Variants in THSD7B observed in about 807,000 individuals in gnomAD.
THSD7B encodes the protein thrombospondin type-1 domain-containing protein 7B.
Under a neutral mutation model 213.6 loss-of-function variants are expected in THSD7B, and 138 were observed. That is an observed-to-expected ratio of 0.65 (90% CI 0.56 to 0.74). The LOEUF (loss-of-function observed/expected upper bound fraction) is 0.74, where lower values mean the gene tolerates loss of function less well. Ranked by LOEUF, THSD7B falls within the 30% of genes least tolerant of loss-of-function variation. The pLI is 0.00. For missense variants in THSD7B, 1,931 were observed against 1,991.5 expected, an observed-to-expected ratio of 0.97 and a Z score of 0.58; for synonymous variants, 742 against 687.0, an observed-to-expected ratio of 1.08 and a Z score of -1.25.
intron 14 of THSD7B, among the ~76,000 whole-genome samples, chr2:137,436,073 A>C (rs1017712119): frequency 2.0e-5 from 3 of 152,030 alleles, no homozygotes; most frequent in African/African-American, 7.2e-5. Context: ...AGCTTCCCTC[A>C]TATTAAATTT....
intron 15 of THSD7B, among the ~76,000 whole-genome samples, chr2:137,542,721 G>A (rs1007341118): frequency 6.6e-6 from 1 of 151,492 alleles, no homozygotes; most frequent in African/African-American, 2.4e-5. Context: ...AAACAGTCTT[G>A]GAAAAAAACA....
At chr2:137,544,470 T>C (rs1457814862) in intron 15 of THSD7B, among the ~76,000 whole-genome samples, 1 of 151,796 alleles carries the variant, frequency 6.6e-6, no homozygotes, top group Non-Finnish European at 1.5e-5. Context: ...CAGTGACTGC[T>C]AATGAGTATG....
In THSD7B at chr2:137,618,496, C is replaced by G; in HGVS notation, c.3670C>G (p.Gln1224Glu). Residue 1224 changes from glutamine to glutamate, a missense_variant, in exon 19 of 28, where the codon CAA becomes GAA. By Grantham distance (29) the Gln-to-Glu change is conservative. Coordinates refer to ENST00000409968, the MANE Select transcript of THSD7B (RefSeq NM_001316349.2). Reference sequence around the variant, plus strand: ...TGATGGCAAGCCAGTCAGCATGGACCAATGTGAGCAGGTACTGTGTTTATA... The same window carrying G: ...TGATGGCAAGCCAGTCAGCATGGACGAATGTGAGCAGGTACTGTGTTTATA... ...CSDGKPVSMD[Q>E]CEQHNLEKPQ... The G allele has an allele frequency of 6.2e-7, 1 of 1,613,710 alleles. No homozygotes were observed. Among genetic ancestry groups the G allele is most frequent in the Non-Finnish European group, 8.5e-7 (1 of 1,179,794 alleles).
At chr2:137,499,174 A>G (rs1374328991) in intron 15 of THSD7B, among the ~76,000 whole-genome samples, 1 of 152,186 alleles carries the variant, frequency 6.6e-6, no homozygotes, top group Non-Finnish European at 1.5e-5. Flanking sequence ...AAAAATCTCA[A>G]TTATTGGTGA....
chr2:136,905,894 G>A (rs1292966290), intron 2 of THSD7B, among the ~76,000 whole-genome samples: 1 of 152,214 alleles, frequency 6.6e-6, no homozygotes, highest in Non-Finnish European at 1.5e-5. Context: ...AGGGAGGCAT[G>A]CATGTGCCTC....
At position 137,115,272 on chromosome 2, in the gene THSD7B, G is replaced by A. The variant is rs1467443607; in HGVS notation, c.1348G>A (p.Ala450Thr). 1.9e-6 allele frequency: 3 copies of A among 1,585,412 alleles called. No individual in the cohort carries two copies. Among genetic ancestry groups the A allele is most frequent in the Admixed American group, 1.8e-5 (1 of 55,190 alleles). The change falls in exon 5 of 28, where the codon GCC (alanine) becomes ACC (threonine). Residue 450 changes from alanine to threonine, a missense_variant. Physicochemically the swap from Ala to Thr is moderately conservative, Grantham distance 58. Transcript: ENST00000409968. ...CTGTGCCCAGAGCGTACCAGCAGCT[G>A]CCGCACTGAGGGCCAAGGAAGGTAG... The part of the protein sequence containing the change: ...VYCAQSVPAA[A>T]ALRAKEVSRP...
At chr2:137,673,179 C>A (rs1214303572) in intron 27 of THSD7B, among the ~76,000 whole-genome samples, 1 of 152,216 alleles carries the variant, frequency 6.6e-6, no homozygotes, top group Non-Finnish European at 1.5e-5. Context: ...CAGAGGCTTG[C>A]TTGTCAGTCC....
chr2:137,527,137 A>G (rs1680295412), intron 15 of THSD7B, among the ~76,000 whole-genome samples: 1 of 152,170 alleles, frequency 6.6e-6, no homozygotes, highest in Non-Finnish European at 1.5e-5. Context: ...TGTGCACACA[A>G]ATTAAAGTTT....
At chr2:137,289,641 T>A (rs990005941) in intron 12 of THSD7B, among the ~76,000 whole-genome samples, 1 of 152,130 alleles carries the variant, frequency 6.6e-6, no homozygotes. Flanking sequence ...TAGATTTTTT[T>A]AAATAATAAT....
At chr2:136,787,938 G>A (rs1192786915) in intron 1 of THSD7B, among the ~76,000 whole-genome samples, 7 of 152,148 alleles carry the variant, frequency 4.6e-5, no homozygotes, top group African/African-American at 1.7e-4. Flanking sequence ...TTAGTGTGTA[G>A]CCTGTGTGAG....
chr2:137,487,396 A>AAAAAAAAC lies in THSD7B; in HGVS notation c.3138+36376_3138+36377insAAAACAAA, dbSNP rs757398774. Reference sequence around the variant, plus strand: ...TCTCAAAAAAAAAAAAAAAAAAAAAAAAAGAACTAGAAAAGCAAGAGCAAA... The same window carrying AAAAAAAAC: ...TCTCAAAAAAAAAAAAAAAAAAAAAAAAAAAAACAAAGAACTAGAAAAGCAAGAGCAAA... On this transcript the variant is annotated intron_variant, in intron 15 of 27. Coordinates refer to ENST00000409968, the MANE Select transcript of THSD7B (RefSeq NM_001316349.2). Among the ~76,000 whole-genome samples, 133 of 120,962 alleles carry AAAAAAAAC rather than the reference A, an allele frequency of 1.1e-3. 5 individuals are homozygous for AAAAAAAAC. Among genetic ancestry groups the AAAAAAAAC allele is most frequent in the African/African-American group, 2.4e-3 (73 of 30,852 alleles). The allele number at this position is 120,962 out of a possible 152,430, so 79.4% of individuals were successfully genotyped here. A position where few individuals can be genotyped will look rare whatever the true frequency, so the allele number is the denominator to read the frequency against.
intron 1 of THSD7B, among the ~76,000 whole-genome samples, chr2:136,799,788 C>A (rs1682142863): frequency 6.6e-6 from 1 of 151,834 alleles, no homozygotes; most frequent in Admixed American, 6.6e-5. Flanking sequence ...AATTCTATAA[C>A]CTCATATAAA....
At position 137,607,073 on chromosome 2, in the gene THSD7B, TGAC is replaced by T. The variant is rs1037003944; in HGVS notation, c.3424-9101_3424-9099del. On this transcript the variant is annotated intron_variant, in intron 17 of 27. Transcript: ENST00000409968. ...GATACATGTTTTAATATAATGGGAC[TGAC>T]AAGACCAGGGGCAAAAGCTATGATA... 2.0e-5 allele frequency among the ~76,000 whole-genome samples: 3 copies of T among 151,768 alleles called. No individual in the cohort carries two copies. In the Admixed American group the frequency reaches 2.0e-4, roughly 10 times the overall value.
intron 17 of THSD7B, among the ~76,000 whole-genome samples, chr2:137,596,094 C>A (rs947901296): frequency 6.6e-6 from 1 of 151,754 alleles, no homozygotes; most frequent in African/African-American, 2.4e-5. Flanking sequence ...TATTGTAAGC[C>A]AGAAAGGTTA....
chr2:136,868,641 C>CA (rs1275990349), intron 1 of THSD7B, among the ~76,000 whole-genome samples: 3 of 152,084 alleles, frequency 2.0e-5, no homozygotes, highest in African/African-American at 7.2e-5. Context: ...TTTTTAATCT[C>CA]AAAGTTCAAC....
chr2:137,113,519 C>T (rs1043267147), intron 4 of THSD7B, among the ~76,000 whole-genome samples: 1 of 152,144 alleles, frequency 6.6e-6, no homozygotes, highest in East Asian at 1.9e-4. Context: ...TCACCGCACC[C>T]TCCGCCTCCT....
intron 5 of THSD7B, among the ~76,000 whole-genome samples, chr2:137,144,943 A>C (rs541047694): frequency 1.3e-5 from 2 of 152,150 alleles, no homozygotes; most frequent in South Asian, 4.1e-4. Context: ...TGATATGATC[A>C]CTCTAGACCT....
intron 7 of THSD7B, among the ~76,000 whole-genome samples, chr2:137,216,693 C>T (rs533791099): frequency 2.6e-5 from 4 of 152,136 alleles, no homozygotes; most frequent in Admixed American, 2.0e-4. Flanking sequence ...AACGGGTTGG[C>T]GATTAAACTT....
chr2:137,654,697 AT>A (rs1683202954), intron 21 of THSD7B, among the ~76,000 whole-genome samples: 1 of 152,036 alleles, frequency 6.6e-6, no homozygotes, highest in African/African-American at 2.4e-5. Context: ...TTATCCTCAT[AT>A]TTGAGCTCTG....
Sources: allele counts gnomAD v4.1 joint callset (sites outside exome capture counted in the v4.1 genomes callset), GRCh38; gene constraint gnomAD v4.1.1; transcripts MANE v1.5; gene names NCBI Gene and HGNC (gene_info 2026-07-23, HGNC 2026-07-21).